The following CDH23 variants were observed in gnomAD, a reference collection of about 807,000 sequenced individuals.
CDH23 encodes cadherin-23.
CDH23 carries 189 observed loss-of-function variants against 317.1 expected under a neutral mutation model. The ratio of observed to expected loss-of-function variants is 0.60; its 90% CI spans 0.53 to 0.67. The LOEUF (loss-of-function observed/expected upper bound fraction) is 0.67, where lower values mean the gene tolerates loss of function less well. Ranked by LOEUF, CDH23 falls within the 30% of genes least tolerant of loss-of-function variation. The pLI is 0.00. For missense variants in CDH23, 4,401 were observed against 4,592.4 expected (o/e 0.96, Z 1.20); for synonymous variants, 1,839 against 1,876.8 (o/e 0.98, Z 0.52).
At chr10:71,461,243 T>C (rs1242684167) in intron 3 of CDH23, among the ~76,000 whole-genome samples, 4 of 152,182 alleles carry the variant, frequency 2.6e-5, no homozygotes, top group Non-Finnish European at 4.4e-5. Flanking sequence ...TTGAGCCTTG[T>C]TAGGTGGGAT....
intron 1 of CDH23, among the ~76,000 whole-genome samples, chr10:71,431,550 A>G (rs139004345): frequency 6.6e-6 from 1 of 152,356 alleles, no homozygotes; most frequent in East Asian, 1.9e-4. Flanking sequence ...CTCTGTGTGT[A>G]GCAGTGGTGA....
intron 41 of CDH23, among the ~76,000 whole-genome samples, chr10:71,781,080 A>G (rs1840940844): frequency 6.6e-6 from 1 of 152,214 alleles, no homozygotes; most frequent in African/African-American, 2.4e-5. Flanking sequence ...ATACAAGCCA[A>G]GAGTTCAGGA....
At chr10:71,506,721 G>A (rs780554824) in intron 3 of CDH23, among the ~76,000 whole-genome samples, 1 of 152,158 alleles carries the variant, frequency 6.6e-6, no homozygotes, top group Admixed American at 6.5e-5. Context: ...GGAGGAGTAT[G>A]TGCCCAGCTG....
intron 9 of CDH23, among the ~76,000 whole-genome samples, chr10:71,610,706 A>AC (rs200007035): frequency 1.0e-4 from 12 of 115,954 alleles, no homozygotes; most frequent in African/African-American, 4.0e-4. Flanking sequence ...TGCAATCCCC[A>AC]CCCCCCGACC....
At chr10:71,670,243 A>G (rs1363166162) in intron 14 of CDH23, among the ~76,000 whole-genome samples, 4 of 152,152 alleles carry the variant, frequency 2.6e-5, no homozygotes, top group African/African-American at 9.7e-5. Flanking sequence ...GCTGCCCACC[A>G]TGGTGTCTGA....
intron 3 of CDH23, among the ~76,000 whole-genome samples, chr10:71,495,810 GAAA>G (rs79249505): frequency 7.8e-6 from 1 of 128,392 alleles, no homozygotes; most frequent in African/African-American, 2.9e-5. Context: ...AGAGGTTTTG[GAAA>G]AAAAAAAAAA....
chr10:71,733,185 A>G (rs923344255), intron 32 of CDH23, among the ~76,000 whole-genome samples: 1 of 152,236 alleles, frequency 6.6e-6, no homozygotes, highest in African/African-American at 2.4e-5. Flanking sequence ...ATTATGAAGG[A>G]TAGTCTAAAG....
chr10:71,558,775 A>G (rs930115918), intron 6 of CDH23, among the ~76,000 whole-genome samples: 6 of 152,276 alleles, frequency 3.9e-5, no homozygotes, highest in Admixed American at 3.9e-4. Context: ...CTTTCGAGGG[A>G]TCTGCAACAT....
At chr10:71,775,791 T>C (rs1365194877) in intron 38 of CDH23, among the ~76,000 whole-genome samples, 1 of 152,168 alleles carries the variant, frequency 6.6e-6, no homozygotes, top group Non-Finnish European at 1.5e-5. Context: ...TCATTAAAAA[T>C]AGTGGTGAAG....
intron 1 of CDH23, among the ~76,000 whole-genome samples, chr10:71,426,757 G>T (rs578107098): frequency 6.6e-6 from 1 of 152,216 alleles, no homozygotes; most frequent in East Asian, 1.9e-4. Context: ...GATCCAATAA[G>T]CCCATTTAAA....
intron 30 of CDH23, among the ~76,000 whole-genome samples, chr10:71,727,278 C>T (rs914345535): frequency 1.3e-5 from 2 of 152,230 alleles, no homozygotes; most frequent in African/African-American, 2.4e-5. Context: ...CAGCTTGAGC[C>T]TGTCCCCTTA....
intron 11 of CDH23, among the ~76,000 whole-genome samples, chr10:71,636,811 G>A (rs568491535): frequency 2.0e-4 from 30 of 152,328 alleles, no homozygotes; most frequent in African/African-American, 7.2e-4. Context: ...GTGGAGAAAC[G>A]GAGGCCTGGA....
chr10:71,610,919 C>A (rs1306315188), intron 9 of CDH23, among the ~76,000 whole-genome samples: 1 of 152,092 alleles, frequency 6.6e-6, no homozygotes, highest in Non-Finnish European at 1.5e-5. Flanking sequence ...AGTGCAGCCA[C>A]CACCCCACCC....
intron 9 of CDH23, among the ~76,000 whole-genome samples, chr10:71,605,087 G>A (rs1860452188): frequency 1.3e-5 from 2 of 152,106 alleles, no homozygotes; most frequent in African/African-American, 2.4e-5. Flanking sequence ...AACACTGGGG[G>A]GTATTTTGGT....
chr10:71,452,938 G>T lies in CDH23; in HGVS notation c.145+6543G>T, dbSNP rs188600591. Among the ~76,000 whole-genome samples, 114 of 152,286 alleles carry T rather than the reference G, an allele frequency of 7.5e-4. 1 individual carries two copies. Among genetic ancestry groups the T allele is most frequent in the African/African-American group, 2.7e-3 (112 of 41,548 alleles). On this transcript the variant is annotated intron_variant, in intron 3 of 69. Transcript: ENST00000224721. ...GGCCTCCATCTCTGTACCAAGCATG[G>T]TGCCTGGCACAAAGGCGGCCTCAGC...
rs1863306454 is a variant in CDH23 at position 71,654,096 on chromosome 10, T to C, written c.1449+7479T>C. Among the ~76,000 whole-genome samples the C allele has an allele frequency of 2.0e-5, 3 of 152,172 alleles. No homozygotes were observed. In the South Asian group the frequency reaches 6.2e-4, roughly 31 times the overall value. The stretch of plus-strand genomic sequence containing the variant: ...CAAGGAACAGAACACAGAGAAAGGT[T>C]AAACAAGCTTGCAGGTGAGAACCAA... On this transcript the variant is annotated intron_variant, in intron 14 of 69. Coordinates refer to ENST00000224721, the MANE Select transcript of CDH23 (RefSeq NM_022124.6).
intron 41 of CDH23, among the ~76,000 whole-genome samples, chr10:71,782,381 A>G (rs1260206468): frequency 6.6e-6 from 1 of 152,146 alleles, no homozygotes; most frequent in Admixed American, 6.5e-5. Context: ...CATCAGCACA[A>G]CCCCAAGGTG....
chr10:71,501,535 T>G (rs2132169964), intron 3 of CDH23, among the ~76,000 whole-genome samples: 1 of 152,302 alleles, frequency 6.6e-6, no homozygotes, highest in African/African-American at 2.4e-5. Flanking sequence ...CTCACTCTAC[T>G]CCCTCTGACT....
At position 71,813,399 on chromosome 10, in the gene CDH23, GCTCT is replaced by G. The variant is rs375544999; in HGVS notation, c.9738+54_9738+57del. The G allele has an allele frequency of 4.9e-4, 704 of 1,445,282 alleles. 10 individuals are homozygous for G. The East Asian group carries it at 0.014, about 29-fold the overall frequency. 89.5% of individuals were successfully genotyped at this position (1,445,282 alleles called of 1,614,324 possible). ...GTGTGCTGTGCCCCAGCCTGGGGAT[GCTCT>G]CTGTCTCTTGCTGTCCTGCTGTCCT... On this transcript the variant is annotated intron_variant, in intron 69 of 69. Coordinates refer to ENST00000224721, the MANE Select transcript of CDH23 (RefSeq NM_022124.6).
Sources: gnomAD v4.1 joint callset for allele counts (sites outside exome capture counted in the v4.1 genomes callset) on GRCh38, gnomAD v4.1.1 for gene constraint, MANE v1.5 for transcripts, NCBI Gene and HGNC (gene_info 2026-07-23, HGNC 2026-07-21) for gene names.